Variants in HTR4 observed in about 807,000 individuals in gnomAD.
HTR4 encodes the protein 5-hydroxytryptamine (serotonin) receptor 4, G protein-coupled.
Under a neutral mutation model 36.8 loss-of-function variants are expected in HTR4, and 16 were observed. The observed-to-expected ratio is 0.43, with a 90% confidence interval of 0.29 to 0.66. The LOEUF (loss-of-function observed/expected upper bound fraction) is 0.66. Ranked by LOEUF, HTR4 falls within the 30% of genes least tolerant of loss-of-function variation. HTR4 has a pLI of 0.13. For synonymous variants in HTR4, 189 were observed against 185.1 expected (o/e 1.02, Z -0.17); for missense variants, 438 against 490.9 (o/e 0.89, Z 1.02).
At chr5:148,624,077 A>G (rs1327799096) in intron 2 of HTR4, among the ~76,000 whole-genome samples, 2 of 152,222 alleles carry the variant, frequency 1.3e-5, no homozygotes, top group African/African-American at 4.8e-5. Flanking sequence ...CCTGGAACAA[A>G]GAAAGTCTTA....
rs764165547 is a variant in HTR4 at position 148,523,408 on chromosome 5, A to G, written c.354-62T>C. On this transcript the variant is annotated intron_variant, in intron 4 of 6. Coordinates refer to ENST00000377888, the MANE Select transcript of HTR4 (RefSeq NM_000870.7). The stretch of plus-strand genomic sequence containing the variant: ...CAAGGAGGAATGGGAGGGAGAGAAA[A>G]GAGAATATATGAGAGAGAAAAGGGG... 4.2e-4 allele frequency: 590 copies of G among 1,408,164 alleles called. 2 individuals carry two copies. Among genetic ancestry groups the G allele is most frequent in the Non-Finnish European group, 5.2e-4 (542 of 1,039,486 alleles). 87.2% of individuals were successfully genotyped at this position (1,408,164 alleles called of 1,614,324 possible). A position where few individuals can be genotyped will look rare whatever the true frequency, so the allele number is the denominator to read the frequency against.
In HTR4 at chr5:148,465,722, C is replaced by T. The variant is rs1252173660; in HGVS notation, c.1077-14450G>A. The stretch of plus-strand genomic sequence containing the variant: ...TTAATATGGGCTCTGCAGTTCTGTG[C>T]CAACAATTGTGCACCCTTAACTTTG... On this transcript the variant is annotated intron_variant, in intron 5 of 5. Transcript: ENST00000521530. 5 of 1,259,280 alleles carry T rather than the reference C, an allele frequency of 4.0e-6. No individual in the cohort carries two copies. The African/African-American group carries it at 4.5e-5, about 11-fold the overall frequency. 78.0% of individuals were successfully genotyped at this position (1,259,280 alleles called of 1,614,324 possible). A position where few individuals can be genotyped will look rare whatever the true frequency, so the allele number is the denominator to read the frequency against.
chr5:148,524,263 T>C (rs920133159), intron 4 of HTR4, among the ~76,000 whole-genome samples: 4 of 152,146 alleles, frequency 2.6e-5, no homozygotes, highest in African/African-American at 4.8e-5. Flanking sequence ...AAGGGACTAG[T>C]CCTGACCAAT....
chr5:148,512,354 T>G (rs1163079345), intron 5 of HTR4, among the ~76,000 whole-genome samples: 2 of 152,228 alleles, frequency 1.3e-5, no homozygotes, highest in Non-Finnish European at 2.9e-5. Context: ...GAACTAATAA[T>G]GTTAATCACT....
chr5:148,632,945 G>A (rs796314342), intron 2 of HTR4, among the ~76,000 whole-genome samples: 1 of 152,086 alleles, frequency 6.6e-6, no homozygotes, highest in East Asian at 1.9e-4. Flanking sequence ...AGCCAAAGAT[G>A]TTCTACAGGG....
At chr5:148,624,043 G>A (rs556500803) in intron 2 of HTR4, among the ~76,000 whole-genome samples, 1 of 152,240 alleles carries the variant, frequency 6.6e-6, no homozygotes, top group East Asian at 1.9e-4. Flanking sequence ...AGTGACCTAA[G>A]GTACGGTCAG....
rs143971850 is a variant in HTR4, at chr5:148,501,472, T to A, written c.1076+7984A>T. On this transcript the variant is annotated intron_variant, in intron 6 of 6. Transcript: ENST00000377888. Reference sequence around the variant, plus strand: ...CATCTGAATTTGCTAATGATCTACTTGTGGGATTTTTAAGAAAAATGCAAA... The same window carrying A: ...CATCTGAATTTGCTAATGATCTACTAGTGGGATTTTTAAGAAAAATGCAAA... Among the ~76,000 whole-genome samples, 880 of 152,344 alleles carry A rather than the reference T, an allele frequency of 5.8e-3. 5 individuals carry two copies. The highest frequency in any genetic ancestry group is 8.9e-3 in the Non-Finnish European group (607 of 68,024).
chr5:148,514,227 G>T (rs191907961), intron 5 of HTR4, among the ~76,000 whole-genome samples: 32 of 152,156 alleles, frequency 2.1e-4, no homozygotes, highest in African/African-American at 7.5e-4. Context: ...TATGATATTT[G>T]CTATAAATTG....
At chr5:148,573,841 C>T (rs1200092184) in intron 2 of HTR4, among the ~76,000 whole-genome samples, 2 of 151,918 alleles carry the variant, frequency 1.3e-5, no homozygotes, top group African/African-American at 2.4e-5. Context: ...AGGTTAATGA[C>T]ACCATAGAGG....
chr5:148,617,086 T>C (rs1020249736), intron 2 of HTR4, among the ~76,000 whole-genome samples: 6 of 152,216 alleles, frequency 3.9e-5, no homozygotes, highest in African/African-American at 1.4e-4. Flanking sequence ...ATAATCCTCA[T>C]TGTCGGAGGT....
At chr5:148,457,876 TA>T (rs1196725243) in intron 5 of HTR4, among the ~76,000 whole-genome samples, 2 of 136,704 alleles carry the variant, frequency 1.5e-5, no homozygotes, top group Admixed American at 7.4e-5. Context: ...GATATATCAT[TA>T]AAATATTAAA....
chr5:148,499,592 C>A (rs1158015004), intron 6 of HTR4, among the ~76,000 whole-genome samples: 1 of 152,136 alleles, frequency 6.6e-6, no homozygotes, highest in African/African-American at 2.4e-5. Context: ...GAAAAAGTGT[C>A]TTGATTTAGT....
At position 148,523,291 on chromosome 5, in the gene HTR4, G is replaced by A. The variant is rs186099216; in HGVS notation, c.409C>T (p.Arg137Cys). The change falls in exon 5 of 7, where the codon CGC (arginine) becomes TGC (cysteine). Residue 137 changes from arginine (R) to cysteine (C), a missense_variant. Coordinates refer to ENST00000377888, the MANE Select transcript of HTR4 (RefSeq NM_000870.7). ...CAGCCTCCCAGCATTAATGCGATGC[G>A]CAGAGGGGTCATCTTGTTCCTATAG... ...LVYRNKMTPL[R>C]IALMLGGCWV... 2.1e-5 allele frequency: 34 copies of A among 1,613,078 alleles called. 1 individual carries two copies. The Middle Eastern group carries it at 5.0e-4, about 24-fold the overall frequency.
intron 2 of HTR4, among the ~76,000 whole-genome samples, chr5:148,622,814 T>G (rs960705344): frequency 3.9e-5 from 6 of 152,230 alleles, no homozygotes; most frequent in African/African-American, 1.2e-4. Flanking sequence ...TAAGGTTTTA[T>G]TACTAGCCAG....
chr5:148,510,394 A>G (rs980861535), intron 5 of HTR4, among the ~76,000 whole-genome samples: 5 of 152,196 alleles, frequency 3.3e-5, no homozygotes, highest in Non-Finnish European at 5.9e-5. Flanking sequence ...AGAATCATTT[A>G]TTACATTTAC....
chr5:148,511,110 C>T (rs1050829714), intron 5 of HTR4, among the ~76,000 whole-genome samples: 2 of 150,990 alleles, frequency 1.3e-5, no homozygotes, highest in Admixed American at 1.3e-4. Context: ...GTTGCCATTC[C>T]TCCTTTTAAA....
At chr5:148,493,073 A>G (rs760992103) in intron 6 of HTR4, among the ~76,000 whole-genome samples, 32 of 152,242 alleles carry the variant, frequency 2.1e-4, no homozygotes, top group Non-Finnish European at 3.4e-4. Flanking sequence ...TGCAAAAAGC[A>G]CTAACTTTTC....
chr5:148,574,453 T>C (rs1581495600), intron 2 of HTR4, among the ~76,000 whole-genome samples: 1 of 152,058 alleles, frequency 6.6e-6, no homozygotes, highest in African/African-American at 2.4e-5. Context: ...AACATCTGAA[T>C]GCAGCCTTCA....
chr5:148,558,257 G>T (rs535230077), intron 2 of HTR4, among the ~76,000 whole-genome samples: 20 of 152,110 alleles, frequency 1.3e-4, no homozygotes, highest in African/African-American at 4.8e-4. Flanking sequence ...TTTCTAGTGA[G>T]AATTTTATTA....
Sources: gnomAD v4.1 joint callset for allele counts (sites outside exome capture counted in the v4.1 genomes callset) on GRCh38, gnomAD v4.1.1 for gene constraint, MANE v1.5 for transcripts, NCBI Gene and HGNC (gene_info 2026-07-23, HGNC 2026-07-21) for gene names.